MSRA: variants seen among roughly 807,000 people sequenced by gnomAD.
MSRA encodes methionine sulfoxide reductase A.
MSRA carries 54 observed loss-of-function variants against 31.3 expected under a neutral mutation model. That is an observed-to-expected ratio of 1.73 (90% CI 1.39 to 2.17). MSRA has a LOEUF of 2.17. Ranked by LOEUF, MSRA falls within the 30% of genes most tolerant of loss-of-function variation. The probability of loss-of-function intolerance (pLI) is 0.00; values close to 1 mark genes in which losing one functional copy is unlikely to be tolerated. For missense variants in MSRA, 507 were observed against 300.9 expected (o/e 1.69, Z -5.07); for synonymous variants, 169 against 116.5 (o/e 1.45, Z -2.90).
chr8:10,404,067 CTTTTA>C (rs1807639044), intron 5 of MSRA, among the ~76,000 whole-genome samples: 1 of 152,086 alleles, frequency 6.6e-6, no homozygotes, highest in Non-Finnish European at 1.5e-5. Context: ...ACATAAAAGG[CTTTTA>C]TTTTATGTTG....
chr8:10,057,881 G>T (rs1196680659), intron 1 of MSRA, among the ~76,000 whole-genome samples: 2 of 152,148 alleles, frequency 1.3e-5, no homozygotes, highest in Non-Finnish European at 2.9e-5. Flanking sequence ...CTTGTCTCAG[G>T]TAGTTCTTTA....
intron 5 of MSRA, among the ~76,000 whole-genome samples, chr8:10,394,958 A>G (rs1050612818): frequency 6.6e-6 from 1 of 152,166 alleles, no homozygotes; most frequent in Non-Finnish European, 1.5e-5. Context: ...GATGTTGATG[A>G]TATTGCCTTT....
chr8:10,182,406 G>T (rs754730288), intron 1 of MSRA, among the ~76,000 whole-genome samples: 1 of 152,038 alleles, frequency 6.6e-6, no homozygotes, highest in South Asian at 2.1e-4. Context: ...TCAGGAATCC[G>T]GACACAGCTC....
At chr8:10,161,328 G>C (rs538721830) in intron 1 of MSRA, among the ~76,000 whole-genome samples, 16 of 152,158 alleles carry the variant, frequency 1.1e-4, no homozygotes, top group African/African-American at 3.6e-4. Context: ...TGTTTCCTTG[G>C]GCAGGAATGG....
At chr8:10,384,881 A>T (rs532033825) in intron 5 of MSRA, among the ~76,000 whole-genome samples, 1 of 152,186 alleles carries the variant, frequency 6.6e-6, no homozygotes, top group African/African-American at 2.4e-5. Context: ...GCATACCTGC[A>T]GCCCCAGTTG....
intron 1 of MSRA, among the ~76,000 whole-genome samples, chr8:10,130,864 C>A (rs914096287): frequency 2.0e-5 from 3 of 152,148 alleles, no homozygotes; most frequent in Non-Finnish European, 4.4e-5. Context: ...GCTAATGACA[C>A]CTCCGAGGAA....
At chr8:10,322,570 C>CA (rs1458419020) in intron 5 of MSRA, among the ~76,000 whole-genome samples, 1 of 152,094 alleles carries the variant, frequency 6.6e-6, no homozygotes, top group East Asian at 1.9e-4. Context: ...CTAAGGTGCC[C>CA]ATGACATGGG....
chr8:10,093,181 A>G (rs1028018929), intron 1 of MSRA, among the ~76,000 whole-genome samples: 2 of 152,160 alleles, frequency 1.3e-5, no homozygotes, highest in African/African-American at 4.8e-5. Context: ...TAATTCATTT[A>G]AGTTTAATGC....
intron 5 of MSRA, among the ~76,000 whole-genome samples, chr8:10,371,093 A>G (rs1428040949): frequency 6.6e-6 from 1 of 152,206 alleles, no homozygotes; most frequent in African/African-American, 2.4e-5. Context: ...CCCTGCCGCA[A>G]TCCCGATGAA....
In MSRA at chr8:10,348,530, C is replaced by T. The variant is rs368437714; in HGVS notation, c.543+28541C>T. 9.0e-4 allele frequency among the ~76,000 whole-genome samples: 137 copies of T among 151,658 alleles called. 2 individuals are homozygous for T. Among genetic ancestry groups the T allele is most frequent in the African/African-American group, 3.0e-3 (124 of 41,338 alleles). ...GACTACAAGCGTGCGCCACCATGCC[C>T]GGCTAATTTTTGTATTTTTAGTAGA... On this transcript the variant is annotated intron_variant, in intron 5 of 5. Coordinates refer to ENST00000317173, the MANE Select transcript of MSRA (RefSeq NM_012331.5).
rs536836692 is a variant in MSRA at position 10,351,309 on chromosome 8, A to T, written c.543+31320A>T. 4.0e-5 allele frequency among the ~76,000 whole-genome samples: 5 copies of T among 124,946 alleles called. No homozygotes were observed. In the South Asian group the frequency reaches 1.4e-3, roughly 34 times the overall value. 82.0% of individuals were successfully genotyped at this position (124,946 alleles called of 152,430 possible). Reference sequence around the variant, plus strand: ...TCGCTCTGTTGCCGGGCTGGAATGCAGTGGCGTGATCTTGGCTCACTGCAA... The same window carrying T: ...TCGCTCTGTTGCCGGGCTGGAATGCTGTGGCGTGATCTTGGCTCACTGCAA... On this transcript the variant is annotated intron_variant, in intron 5 of 5. Transcript: ENST00000317173.
chr8:10,425,470 C>T (rs1205952295), intron 5 of MSRA, among the ~76,000 whole-genome samples: 3 of 152,208 alleles, frequency 2.0e-5, no homozygotes, highest in Admixed American at 6.5e-5. Flanking sequence ...TGGGCAGTGG[C>T]GCTGGCCTCC....
chr8:10,332,850 G>A (rs1043657264), intron 5 of MSRA, among the ~76,000 whole-genome samples: 8 of 152,236 alleles, frequency 5.3e-5, no homozygotes, highest in Non-Finnish European at 1.2e-4. Context: ...TAAACTGTGT[G>A]CATCCGCATT....
chr8:10,065,492 G>A (rs905217918), intron 1 of MSRA, among the ~76,000 whole-genome samples: 1 of 152,262 alleles, frequency 6.6e-6, no homozygotes, highest in Non-Finnish European at 1.5e-5. Context: ...CCTTGGATGA[G>A]TAGGGTTATG....
intron 5 of MSRA, among the ~76,000 whole-genome samples, chr8:10,402,316 G>T (rs1223385619): frequency 1.3e-5 from 2 of 152,220 alleles, no homozygotes; most frequent in African/African-American, 4.8e-5. Context: ...TCCTATTCCA[G>T]CTCCTGCCTG....
intron 3 of MSRA, among the ~76,000 whole-genome samples, chr8:10,295,153 G>C (rs1476189391): frequency 1.3e-5 from 2 of 152,010 alleles, no homozygotes; most frequent in Non-Finnish European, 1.5e-5. Flanking sequence ...ACTGTGTTTG[G>C]GCAATGAGAC....
intron 1 of MSRA, among the ~76,000 whole-genome samples, chr8:10,100,358 C>T (rs1278261478): frequency 6.6e-6 from 1 of 152,122 alleles, no homozygotes; most frequent in East Asian, 1.9e-4. Context: ...AGCTTTGCTG[C>T]CCAAGCCCTG....
At chr8:10,234,617 T>C (rs922000166) in intron 2 of MSRA, among the ~76,000 whole-genome samples, 1 of 152,012 alleles carries the variant, frequency 6.6e-6, no homozygotes, top group South Asian at 2.1e-4. Flanking sequence ...AGAGTAAATA[T>C]ATTAAAATTA....
rs149174174 is a variant in MSRA at position 10,232,243 on chromosome 8, G to A, written c.212-12861G>A. On this transcript the variant is annotated intron_variant, in intron 2 of 5. Transcript: ENST00000317173. Reference sequence around the variant, plus strand: ...ATGCGGTAACTGCACATGTTCTAATGGGAGCCCAGCCTCCCTGTTGGTTTC... The same window carrying A: ...ATGCGGTAACTGCACATGTTCTAATAGGAGCCCAGCCTCCCTGTTGGTTTC... Among the ~76,000 whole-genome samples the A allele has an allele frequency of 9.8e-5, 15 of 152,322 alleles. No homozygotes were observed. In the East Asian group the frequency reaches 2.7e-3, roughly 27 times the overall value.
Sources: gnomAD v4.1 joint callset for allele counts (sites outside exome capture counted in the v4.1 genomes callset) on GRCh38, gnomAD v4.1.1 for gene constraint, MANE v1.5 for transcripts, NCBI Gene and HGNC (gene_info 2026-07-23, HGNC 2026-07-21) for gene names.